Variants in PCDHGB1 observed in about 807,000 individuals in gnomAD.
PCDHGB1 encodes the protein protocadherin gamma-B1.
PCDHGB1 carries 34 observed loss-of-function variants against 56.6 expected under a neutral mutation model. That is an observed-to-expected ratio of 0.60 (90% CI 0.46 to 0.80). The LOEUF (loss-of-function observed/expected upper bound fraction) is 0.80. PCDHGB1 is among the 30% of genes least tolerant of loss of function. The pLI is 0.00. For synonymous variants in PCDHGB1, 561 were observed against 505.9 expected (o/e 1.11, Z -1.46); for missense variants, 1,278 against 1,204.6 (o/e 1.06, Z -0.90).
chr5:141,475,885 A>T, intron 1 of PCDHGB1: 1 of 556,524 alleles, frequency 1.8e-6, no homozygotes, highest in Non-Finnish European at 3.2e-6. Flanking sequence ...ATTGGCTGGG[A>T]CTCTGTGTGC....
At chr5:141,463,728 G>C (rs957615020) in intron 1 of PCDHGB1, among the ~76,000 whole-genome samples, 3 of 152,066 alleles carry the variant, frequency 2.0e-5, no homozygotes, top group African/African-American at 7.2e-5. Context: ...TTACAGGCAT[G>C]AGCCACCGCG....
At chr5:141,368,190 GA>G (rs1352069840) in intron 1 of PCDHGB1, among the ~76,000 whole-genome samples, 2 of 152,032 alleles carry the variant, frequency 1.3e-5, no homozygotes, top group African/African-American at 4.8e-5. Flanking sequence ...TAAATAAGGG[GA>G]AAAGGTAATA....
chr5:141,463,616 T>C (rs941383375), intron 1 of PCDHGB1, among the ~76,000 whole-genome samples: 28 of 151,762 alleles, frequency 1.8e-4, no homozygotes, highest in Non-Finnish European at 2.1e-4. Flanking sequence ...GCCCGGCTAA[T>C]TTTTTGTATT....
rs2233612 is a variant in PCDHGB1 at position 141,511,014 on chromosome 5, A to G, written c.2625A>G (p.Gly875=). 8.6e-4 allele frequency: 1,386 copies of G among 1,614,082 alleles called. 14 individuals are homozygous for G. The African/African-American group carries it at 0.017, about 20-fold the overall frequency. The change falls in exon 4 of 4, where the codon GGA becomes GGG. Residue 875 remains glycine, a synonymous_variant. Coordinates refer to ENST00000523390, the MANE Select transcript of PCDHGB1 (RefSeq NM_018922.3). ...AGTMGLSARY[G]PQFTLQHVPD... ...CCATGGGATTGAGCGCCCGCTACGG[A>G]CCCCAGTTCACCCTGCAGCACGTGC...
At chr5:141,458,694 C>G (rs905547768) in intron 1 of PCDHGB1, among the ~76,000 whole-genome samples, 1 of 152,136 alleles carries the variant, frequency 6.6e-6, no homozygotes, top group East Asian at 1.9e-4. Context: ...CTCAGCCTCC[C>G]GAGTAGCTGG....
intron 1 of PCDHGB1, chr5:141,372,279 G>A: frequency 6.2e-7 from 1 of 1,613,176 alleles, no homozygotes; most frequent in Middle Eastern, 1.7e-4. Context: ...GGTGCGCACG[G>A]CGCGTACCTT....
intron 1 of PCDHGB1, among the ~76,000 whole-genome samples, chr5:141,373,025 G>T (rs1194348949): frequency 6.6e-6 from 1 of 152,092 alleles, no homozygotes; most frequent in East Asian, 1.9e-4. Context: ...TGATAGTCTT[G>T]AAACTTTTCT....
At position 141,460,912 on chromosome 5, in the gene PCDHGB1, G is replaced by GTA. The variant is rs34683754; in HGVS notation, c.2410-33883_2410-33882dup. ...TCGTGGCTGAGTAATATTCCATGGT[G>GTA]TATATATATATATGTGTGTGTGTAT... On this transcript the variant is annotated intron_variant, in intron 1 of 3. Coordinates refer to ENST00000523390, the MANE Select transcript of PCDHGB1 (RefSeq NM_018922.3). Among the ~76,000 whole-genome samples, 731 of 149,318 alleles carry GTA rather than the reference G, an allele frequency of 4.9e-3. 9 individuals carry two copies. Among genetic ancestry groups the GTA allele is most frequent in the African/African-American group, 0.016 (631 of 40,624 alleles).
chr5:141,407,808 C>A (rs1182707356), intron 1 of PCDHGB1, among the ~76,000 whole-genome samples: 1 of 152,136 alleles, frequency 6.6e-6, no homozygotes, highest in Non-Finnish European at 1.5e-5. Flanking sequence ...ATAGAAATAT[C>A]TACTATAATA....
intron 1 of PCDHGB1, chr5:141,392,255 G>A (rs912458411): frequency 4.6e-5 from 7 of 152,104 alleles, no homozygotes; most frequent in Non-Finnish European, 1.0e-4. Flanking sequence ...AGTATATATT[G>A]GAGACATTTA....
intron 1 of PCDHGB1, chr5:141,371,090 C>A (rs764906419): frequency 8.7e-6 from 14 of 1,613,702 alleles, no homozygotes; most frequent in Non-Finnish European, 1.2e-5. Context: ...GGGTAATTGT[C>A]GCAGATGCAA....
chr5:141,367,849 G>A (rs903459046), intron 1 of PCDHGB1: 3 of 152,008 alleles, frequency 2.0e-5, no homozygotes, highest in Admixed American at 1.3e-4. Flanking sequence ...TGCAATGTTA[G>A]CGTTTCTTTA....
chr5:141,421,019 C>T, intron 1 of PCDHGB1: 1 of 516,402 alleles, frequency 1.9e-6, no homozygotes, highest in Non-Finnish European at 3.4e-6. Flanking sequence ...TGGGAAGCTG[C>T]GCGCCATTGA....
At chr5:141,410,473 A>G (rs1347318074) in intron 1 of PCDHGB1, 1 of 1,614,028 alleles carries the variant, frequency 6.2e-7, no homozygotes, top group East Asian at 2.2e-5. Context: ...TGTGCATTGC[A>G]CATACGGGTA....
At chr5:141,356,773 T>C in intron 1 of PCDHGB1, 1 of 1,613,940 alleles carries the variant, frequency 6.2e-7, no homozygotes, top group Non-Finnish European at 8.5e-7. Flanking sequence ...CTATGAGCAG[T>C]TTAGAGACCT....
rs751024373 is a variant in PCDHGB1, at chr5:141,491,801, G to T, written c.2410-3006G>T. 1 of 1,500,844 alleles carries T rather than the reference G, an allele frequency of 6.7e-7. No homozygotes were observed. Among genetic ancestry groups the T allele is most frequent in the Non-Finnish European group, 8.9e-7 (1 of 1,125,292 alleles). 93.0% of individuals were successfully genotyped at this position (1,500,844 alleles called of 1,614,324 possible). ...AACTTGCATCCACTCCTCTCCGGCCGGCTTGGTCGCTGGCTGCGCTCCACC... is the reference window on the plus strand; with the variant it reads ...AACTTGCATCCACTCCTCTCCGGCCTGCTTGGTCGCTGGCTGCGCTCCACC... On this transcript the variant is annotated intron_variant, in intron 1 of 3. Transcript: ENST00000523390. This position sits in a 1 kb window ranked among gnomAD's most constrained non-coding sequence, Gnocchi z 6.9.
chr5:141,355,523 T>C lies in PCDHGB1; in HGVS notation c.2409+2854T>C, dbSNP rs1170286718. The C allele has an allele frequency of 3.9e-5, 63 of 1,613,962 alleles. No individual in the cohort carries two copies. In the Admixed American group the frequency reaches 1.0e-3, roughly 27 times the overall value. On this transcript the variant is annotated intron_variant, in intron 1 of 3. Transcript: ENST00000523390. ...CCAAACTGTGTGACAAACCTGGAGA[T>C]TCTTCTAGAAGATACAGTGAAGATT...
At chr5:141,408,556 T>G (rs1215804867) in intron 1 of PCDHGB1, 1 of 1,613,940 alleles carries the variant, frequency 6.2e-7, no homozygotes, top group Non-Finnish European at 8.5e-7. Context: ...ATATTTTTCA[T>G]GTCATTGTGG....
At position 141,512,350 on chromosome 5, in the gene PCDHGB1, G is replaced by C. The variant is rs1406428686; in HGVS notation, c.*1177G>C. ...CCATTCTTAGTCCCTGGGTTGGGGA[G>C]GCAGGGAGCTAGGGCAGGGACCAAA... is the stretch of plus-strand genomic sequence containing the variant. On this transcript the variant is annotated 3_prime_UTR_variant, in exon 4 of 4. Transcript: ENST00000523390. The C allele has an allele frequency of 6.5e-6, 1 of 152,906 alleles. No homozygotes were observed. The highest frequency in any genetic ancestry group is 1.9e-4 in the East Asian group (1 of 5,208). 9.5% of individuals were successfully genotyped at this position (152,906 alleles called of 1,614,324 possible).
Sources: allele counts gnomAD v4.1 joint callset (sites outside exome capture counted in the v4.1 genomes callset), GRCh38; gene constraint gnomAD v4.1.1; non-coding constraint Gnocchi (gnomAD v3.1); transcripts MANE v1.5; gene names NCBI Gene and HGNC (gene_info 2026-07-23, HGNC 2026-07-21).